MACROD2: variants seen among roughly 807,000 people sequenced by gnomAD.
MACROD2 encodes the protein mono-ADP ribosylhydrolase 2.
A neutral mutation model predicts 70.4 loss-of-function variants in MACROD2; 36 were observed. The observed-to-expected ratio is 0.51, with a 90% CI of 0.39 to 0.68. The LOEUF is 0.68. MACROD2 is among the 30% of genes least tolerant of loss of function. The probability of loss-of-function intolerance (pLI) is 0.00; values close to 1 mark genes in which losing one functional copy is unlikely to be tolerated. For missense variants in MACROD2, 496 were observed against 538.4 expected (o/e 0.92, Z 0.78); for synonymous variants, 172 against 178.8 (o/e 0.96, Z 0.30).
intron 5 of MACROD2, among the ~76,000 whole-genome samples, chr20:14,788,045 T>G (rs1382445556): frequency 6.6e-6 from 1 of 152,098 alleles, no homozygotes; most frequent in Non-Finnish European, 1.5e-5. Context: ...TCAAAAAGTG[T>G]GTATTTTCTA....
intron 4 of MACROD2, among the ~76,000 whole-genome samples, chr20:14,499,352 G>A (rs1428775392): frequency 6.6e-6 from 1 of 152,094 alleles, no homozygotes. Context: ...GCAACATACT[G>A]ACACCTCATC....
chr20:15,549,987 C>A (rs2048074352), intron 8 of MACROD2, among the ~76,000 whole-genome samples: 1 of 152,028 alleles, frequency 6.6e-6, no homozygotes, highest in Non-Finnish European at 1.5e-5. Context: ...GTATCATACT[C>A]AAGAAACTTG....
chr20:14,810,342 A>G (rs1384901896), intron 5 of MACROD2, among the ~76,000 whole-genome samples: 1 of 152,126 alleles, frequency 6.6e-6, no homozygotes, highest in Non-Finnish European at 1.5e-5. Context: ...CAAAAACCAC[A>G]TGATTATCTC....
At chr20:14,406,599 A>G (rs749975476) in intron 3 of MACROD2, among the ~76,000 whole-genome samples, 1 of 152,120 alleles carries the variant, frequency 6.6e-6, no homozygotes, top group Non-Finnish European at 1.5e-5. Context: ...GTGGTTAGCT[A>G]TCTTGCCCTT....
At chr20:15,310,856 C>T (rs181770236) in intron 6 of MACROD2, among the ~76,000 whole-genome samples, 42 of 152,198 alleles carry the variant, frequency 2.8e-4, no homozygotes, top group African/African-American at 1.0e-3. Context: ...ATGGCTAGCC[C>T]GTTTGCACTA....
intron 6 of MACROD2, among the ~76,000 whole-genome samples, chr20:15,303,427 A>AT (rs1460104040): frequency 6.6e-6 from 1 of 152,188 alleles, no homozygotes; most frequent in African/African-American, 2.4e-5. Flanking sequence ...GCTTGAGATC[A>AT]TAAAGTCATC....
At chr20:15,117,350 T>C (rs1003666882) in intron 5 of MACROD2, among the ~76,000 whole-genome samples, 3 of 152,188 alleles carry the variant, frequency 2.0e-5, no homozygotes, top group African/African-American at 7.2e-5. Flanking sequence ...AGATTTTGTT[T>C]TGGGATTTCT....
At chr20:14,691,606 A>G (rs1458991182) in intron 5 of MACROD2, among the ~76,000 whole-genome samples, 1 of 152,186 alleles carries the variant, frequency 6.6e-6, no homozygotes, top group African/African-American at 2.4e-5. Context: ...AGGAGCCTGC[A>G]GTCCACAGGA....
chr20:14,202,161 A>T (rs2148748236), intron 3 of MACROD2, among the ~76,000 whole-genome samples: 1 of 152,282 alleles, frequency 6.6e-6, no homozygotes, highest in Non-Finnish European at 1.5e-5. Context: ...TATTAAAATG[A>T]GTGGCAAATT....
At chr20:15,122,909 C>T (rs929104798) in intron 5 of MACROD2, among the ~76,000 whole-genome samples, 2 of 152,080 alleles carry the variant, frequency 1.3e-5, no homozygotes, top group Non-Finnish European at 2.9e-5. Flanking sequence ...TATGACCCAG[C>T]CAAATTATGA....
intron 2 of MACROD2, among the ~76,000 whole-genome samples, chr20:14,077,040 T>C (rs778402893): frequency 6.6e-6 from 1 of 152,220 alleles, no homozygotes; most frequent in Non-Finnish European, 1.5e-5. Context: ...TAAATGCATA[T>C]GTTGTAGAAA....
chr20:14,603,491 A>G (rs1172463180), intron 4 of MACROD2, among the ~76,000 whole-genome samples: 2 of 152,172 alleles, frequency 1.3e-5, no homozygotes, highest in Non-Finnish European at 2.9e-5. Context: ...AAAGTTCACA[A>G]TTTTGGCATG....
At chr20:14,710,593 C>T (rs1255155531) in intron 5 of MACROD2, among the ~76,000 whole-genome samples, 20 of 152,070 alleles carry the variant, frequency 1.3e-4, no homozygotes, top group Non-Finnish European at 2.9e-4. Context: ...GACTGAGCCT[C>T]CCTTTGGGGA....
At chr20:14,579,197 A>AGTG (rs1980835643) in intron 4 of MACROD2, among the ~76,000 whole-genome samples, 1 of 126,244 alleles carries the variant, frequency 7.9e-6, no homozygotes, top group Admixed American at 1.0e-4. Context: ...TGCGGACTGC[A>AGTG]GTGGCGCAAT....
intron 5 of MACROD2, among the ~76,000 whole-genome samples, chr20:15,016,216 A>G (rs937005868): frequency 2.6e-5 from 4 of 152,208 alleles, no homozygotes; most frequent in African/African-American, 9.6e-5. Context: ...TTAGAGTATT[A>G]TAACAGTCAT....
At chr20:14,358,756 A>G (rs2083195988) in intron 3 of MACROD2, among the ~76,000 whole-genome samples, 1 of 152,192 alleles carries the variant, frequency 6.6e-6, no homozygotes, top group African/African-American at 2.4e-5. Flanking sequence ...GCGCTTGTCC[A>G]CCATTGTCCT....
chr20:14,052,933 C>A (rs552633972), intron 2 of MACROD2, among the ~76,000 whole-genome samples: 1 of 151,320 alleles, frequency 6.6e-6, no homozygotes, highest in African/African-American at 2.4e-5. Context: ...TGGAAGTAAA[C>A]AAAGATAAGT....
At chr20:14,662,487 T>C (rs1295610515) in intron 4 of MACROD2, among the ~76,000 whole-genome samples, 1 of 152,106 alleles carries the variant, frequency 6.6e-6, no homozygotes, top group Non-Finnish European at 1.5e-5. Context: ...ACTTGACAAA[T>C]GTGAGCTAAT....
At chr20:15,728,566 C>G (rs76891010) in intron 8 of MACROD2, among the ~76,000 whole-genome samples, 6,365 of 152,196 alleles carry the variant, frequency 0.042, 187 homozygotes, top group Middle Eastern at 0.071. Flanking sequence ...ATTACTGATT[C>G]AATTTCAGAA....
Sources: allele counts gnomAD v4.1 joint callset (sites outside exome capture counted in the v4.1 genomes callset), GRCh38; gene constraint gnomAD v4.1.1; transcripts MANE v1.5; gene names NCBI Gene and HGNC (gene_info 2026-07-23, HGNC 2026-07-21).